The following PDE10A variants were observed in gnomAD, a reference collection of about 807,000 sequenced individuals.
The protein encoded by PDE10A is phosphodiesterase 10A.
PDE10A carries 39 observed loss-of-function variants against 97.7 expected under a neutral mutation model. That is an observed-to-expected ratio of 0.40 (90% confidence interval 0.31 to 0.52). The LOEUF is 0.52. Ranked by LOEUF, PDE10A falls within the 20% of genes least tolerant of loss-of-function variation. The pLI is 0.56. For synonymous variants in PDE10A, 371 were observed against 376.8 expected (o/e 0.98, Z 0.18); for missense variants, 731 against 1,047.8 (o/e 0.70, Z 4.17).
intron 15 of PDE10A, 73 bp downstream of exon 15, chr6:165,395,108 G>T: frequency 1.2e-6 from 1 of 852,480 alleles, no homozygotes; most frequent in Non-Finnish European, 2.0e-6. Flanking sequence ...ATCGTGGTGA[G>T]GCATATATGT....
At chr6:165,742,844 A>T (rs989134030) in intron 1 of PDE10A, among the ~76,000 whole-genome samples, 1 of 152,120 alleles carries the variant, frequency 6.6e-6, no homozygotes, top group African/African-American at 2.4e-5. Flanking sequence ...CCACACAGAA[A>T]ACAGAGACTG....
chr6:165,589,035 C>T (rs1786091568), intron 1 of PDE10A, among the ~76,000 whole-genome samples: 2 of 152,206 alleles, frequency 1.3e-5, no homozygotes, highest in Non-Finnish European at 2.9e-5. Context: ...CAGCCATGGC[C>T]ACAAAACTAA....
chr6:165,893,033 C>G (rs911899535), intron 1 of PDE10A, among the ~76,000 whole-genome samples: 1 of 152,170 alleles, frequency 6.6e-6, no homozygotes, highest in Admixed American at 6.5e-5. Context: ...AGGATTTAAG[C>G]TTTTATGGGG....
intron 2 of PDE10A, among the ~76,000 whole-genome samples, chr6:165,516,884 TA>T (rs1781841908): frequency 6.6e-6 from 1 of 152,206 alleles, no homozygotes; most frequent in Non-Finnish European, 1.5e-5. Context: ...CCTTGAATAC[TA>T]AAAATGATTC....
intron 2 of PDE10A, among the ~76,000 whole-genome samples, chr6:165,526,293 G>T (rs1368143286): frequency 6.6e-6 from 1 of 152,160 alleles, no homozygotes; most frequent in Admixed American, 6.5e-5. Flanking sequence ...TGGAGCTTCA[G>T]CTCAGGTCTA....
intron 1 of PDE10A, among the ~76,000 whole-genome samples, chr6:165,834,822 G>T (rs1018852400): frequency 6.6e-6 from 1 of 152,228 alleles, no homozygotes; most frequent in African/African-American, 2.4e-5. Context: ...GGCAGGGAAG[G>T]CAGCCACGTG....
At chr6:165,581,080 G>T (rs144703595) in intron 1 of PDE10A, among the ~76,000 whole-genome samples, 117 of 152,244 alleles carry the variant, frequency 7.7e-4, no homozygotes, top group Middle Eastern at 3.4e-3. Flanking sequence ...ATCCATTATG[G>T]TGACACCATG....
intron 1 of PDE10A, among the ~76,000 whole-genome samples, chr6:165,650,485 C>T (rs1380912650): frequency 7.9e-6 from 1 of 126,800 alleles, no homozygotes; most frequent in Non-Finnish European, 1.7e-5. Flanking sequence ...TCCTTTCTAA[C>T]ATAAAAATGT....
intron 2 of PDE10A, among the ~76,000 whole-genome samples, chr6:165,512,431 G>A (rs1187989157): frequency 6.6e-6 from 1 of 151,624 alleles, no homozygotes; most frequent in Non-Finnish European, 1.5e-5. Flanking sequence ...AGTAGCCTAG[G>A]TTGACAAGTT....
At chr6:165,785,945 T>G (rs1207829312) in intron 1 of PDE10A, among the ~76,000 whole-genome samples, 1 of 152,254 alleles carries the variant, frequency 6.6e-6, no homozygotes, top group Non-Finnish European at 1.5e-5. Context: ...CTCATTCAAA[T>G]GTTTATACTT....
intron 1 of PDE10A, among the ~76,000 whole-genome samples, chr6:165,912,729 T>C (rs774259459): frequency 6.6e-6 from 1 of 152,188 alleles, no homozygotes. Flanking sequence ...TTAAATAAGA[T>C]GCCTTTAAAT....
At chr6:165,786,595 A>G (rs1223835109) in intron 1 of PDE10A, among the ~76,000 whole-genome samples, 4 of 152,252 alleles carry the variant, frequency 2.6e-5, no homozygotes, top group Non-Finnish European at 4.4e-5. Flanking sequence ...CAAAGATGAC[A>G]CATGGGCTGT....
chr6:165,743,471 A>G (rs1792775158), intron 1 of PDE10A, among the ~76,000 whole-genome samples: 1 of 152,206 alleles, frequency 6.6e-6, no homozygotes, highest in Non-Finnish European at 1.5e-5. Flanking sequence ...CCTTCATCAC[A>G]CAAAGGCTGC....
intron 7 of PDE10A, among the ~76,000 whole-genome samples, 164 bp from the exon 8 acceptor site, chr6:165,431,636 A>G (rs1469351237): frequency 6.8e-6 from 1 of 147,996 alleles, no homozygotes; most frequent in East Asian, 1.9e-4. Context: ...ATATATATAT[A>G]CACACACACA....
In PDE10A at chr6:165,330,712, C is replaced by T. The variant is rs1158434072; in HGVS notation, c.*2313G>A. ...TAATAACCTAAAAATGTAAATGTAG[C>T]CATGAGATTCCTAACTCCATAATTA... On this transcript the variant is annotated 3_prime_UTR_variant, in exon 22 of 22. Coordinates refer to ENST00000539869, the MANE Select transcript of PDE10A (RefSeq NM_001385079.1). The T allele has an allele frequency of 1.3e-5, 2 of 152,018 alleles. No individual in the cohort carries two copies. Among genetic ancestry groups the T allele is most frequent in the African/African-American group, 2.4e-5 (1 of 41,404 alleles). The allele number at this position is 152,018 out of a possible 1,614,324, so 9.4% of individuals were successfully genotyped here. A position where few individuals can be genotyped will look rare whatever the true frequency, so the allele number is the denominator to read the frequency against.
intron 1 of PDE10A, among the ~76,000 whole-genome samples, chr6:165,581,230 T>A (rs140002210): frequency 6.2e-4 from 94 of 152,300 alleles, no homozygotes; most frequent in African/African-American, 2.2e-3. Context: ...AACCTCACCA[T>A]GCTTTGACAG....
intron 1 of PDE10A, among the ~76,000 whole-genome samples, chr6:165,874,383 A>AAT (rs1554334560): frequency 5.9e-5 from 9 of 151,890 alleles, no homozygotes; most frequent in East Asian, 5.8e-4. Flanking sequence ...AGAAAAAAAA[A>AAT]ATTTAGCCAG....
intron 1 of PDE10A, among the ~76,000 whole-genome samples, chr6:165,713,318 A>G (rs7753380): frequency 0.7 from 106,388 of 152,200 alleles, 38,645 homozygotes; most frequent in African/African-American, 0.9. Flanking sequence ...CCCAATTACC[A>G]TGCATAAAGA....
In PDE10A at chr6:165,489,960, A is replaced by G. The variant is rs1404017436; in HGVS notation, c.995-7617T>C. 2.0e-5 allele frequency among the ~76,000 whole-genome samples: 3 copies of G among 152,238 alleles called. No individual in the cohort carries two copies. In the East Asian group the frequency reaches 5.8e-4, roughly 29 times the overall value. ...GTTTAAAATTACGTTAAACAACCAA[A>G]CCTAAGAATAATTGGTGTTCCTGAG... On this transcript the variant is annotated intron_variant, in intron 2 of 21. Transcript: ENST00000539869.
Sources: gnomAD v4.1 joint callset for allele counts (sites outside exome capture counted in the v4.1 genomes callset) on GRCh38, gnomAD v4.1.1 for gene constraint, MANE v1.5 for transcripts, NCBI Gene and HGNC (gene_info 2026-07-23, HGNC 2026-07-21) for gene names.